SNX14: variants seen among roughly 807,000 people sequenced by gnomAD.
The protein encoded by SNX14 is sorting nexin-14.
SNX14 carries 93 observed loss-of-function variants against 133.8 expected under a neutral mutation model. The observed-to-expected ratio is 0.70, with a 90% CI of 0.59 to 0.83. The LOEUF (loss-of-function observed/expected upper bound fraction) is 0.83, where lower values mean the gene tolerates loss of function less well. Among genes scored for constraint, SNX14 ranks in the 40% least tolerant of loss-of-function variants. The probability of loss-of-function intolerance (pLI) is 0.00; values close to 1 mark genes in which losing one functional copy is unlikely to be tolerated. For synonymous variants in SNX14, 368 were observed against 365.6 expected (o/e 1.01, Z -0.07); for missense variants, 945 against 1,094.9 (o/e 0.86, Z 1.93).
intron 1 of SNX14, among the ~76,000 whole-genome samples, chr6:85,582,429 G>A (rs1277234450): frequency 1.3e-5 from 2 of 150,900 alleles, no homozygotes; most frequent in African/African-American, 2.4e-5. Flanking sequence ...CACTGAAAAC[G>A]AGAACTGAAG....
At chr6:85,528,240 A>T (rs746935323) in intron 20 of SNX14, 22 bp downstream of exon 20, 3 of 1,531,834 alleles carry the variant, frequency 2.0e-6, no homozygotes, top group Non-Finnish European at 2.7e-6. Flanking sequence ...AACATTTGGA[A>T]TTAATACAGT....
At position 85,584,165 on chromosome 6, in the gene SNX14, A is replaced by T. The variant is rs1268320067; in HGVS notation, c.140+9414T>A. Among the ~76,000 whole-genome samples the T allele has an allele frequency of 2.0e-5, 3 of 152,366 alleles. No individual in the cohort carries two copies. In the East Asian group the frequency reaches 5.8e-4, roughly 29 times the overall value. ...CAATGAAGAAAGGATTCCCTATTTA[A>T]TAAATGGTGTTGGGAAAACTGGCTA... is the stretch of plus-strand genomic sequence containing the variant. On this transcript the variant is annotated intron_variant, in intron 1 of 28. Coordinates refer to ENST00000314673, the MANE Select transcript of SNX14 (RefSeq NM_153816.6).
intron 23 of SNX14, among the ~76,000 whole-genome samples, chr6:85,515,403 G>T (rs939725881): frequency 2.0e-5 from 3 of 150,908 alleles, no homozygotes; most frequent in African/African-American, 4.9e-5. Flanking sequence ...ATGTTGGGGT[G>T]GGGGGGAACT....
At chr6:85,574,210 T>G (rs764976972) in intron 2 of SNX14, 48 bp downstream of exon 2, 7 of 1,409,342 alleles carry the variant, frequency 5.0e-6, no homozygotes, top group Admixed American at 2.3e-5. Context: ...AATAAACAGC[T>G]TAGGCTCATA....
rs993822962 is a variant in SNX14, at chr6:85,583,430, C to T, written c.141-9052G>A. On this transcript the variant is annotated intron_variant, in intron 1 of 28. Transcript: ENST00000314673. ...AATCAGGCAAAAGAAAGAAATAAAG[C>T]GTATTCAAATAGGAAGAGAGGAAGT... is the stretch of plus-strand genomic sequence containing the variant. 3.3e-5 allele frequency among the ~76,000 whole-genome samples: 5 copies of T among 152,186 alleles called. No homozygotes were observed. In the East Asian group the frequency reaches 7.7e-4, roughly 24 times the overall value.
intron 17 of SNX14, 130 bp from the exon 18 acceptor site, chr6:85,533,930 T>C (rs1434535075): frequency 1.1e-5 from 8 of 728,936 alleles, no homozygotes; most frequent in East Asian, 8.3e-5. Context: ...CTAGGTGATA[T>C]TAAATTTTCT....
intron 1 of SNX14, among the ~76,000 whole-genome samples, chr6:85,577,280 T>TTAC (rs1226611829): frequency 3.3e-5 from 5 of 151,992 alleles, no homozygotes; most frequent in African/African-American, 7.2e-5. Context: ...TGGCTGGGCA[T>TTAC]GGTGGCGCAT....
chr6:85,566,390 A>ATT (rs547225234), intron 5 of SNX14, among the ~76,000 whole-genome samples: 1 of 146,770 alleles, frequency 6.8e-6, no homozygotes, highest in Non-Finnish European at 1.5e-5. Flanking sequence ...AACTAGTAGC[A>ATT]TTTTTTTTTT....
chr6:85,546,099 T>C (rs1010336584), intron 12 of SNX14, among the ~76,000 whole-genome samples: 4 of 152,202 alleles, frequency 2.6e-5, no homozygotes, highest in African/African-American at 7.2e-5. Context: ...AAAAAAATTA[T>C]ACAGGCAAAA....
chr6:85,517,821 G>C lies in SNX14; in HGVS notation c.2203C>G (p.Pro735Ala). 1 of 1,611,316 alleles carries C rather than the reference G, an allele frequency of 6.2e-7. No homozygotes were observed. The highest frequency in any genetic ancestry group is 2.2e-5 in the East Asian group (1 of 44,770). ...IMNFINSCES[P>A]KPKPSRPELT... ...TCTGGTCTACTTGGTTTAGGCTTTG[G>C]AGACTCACAAGAATTAATGAAATTC... Residue 735 changes from proline to alanine, a missense_variant, in exon 23 of 29, where the codon CCA becomes GCA. By Grantham distance (27) the Pro-to-Ala change is conservative. This residue lies in a region of SNX14 where 412 missense variants were observed against 516.6 expected (regional missense o/e 0.80). Coordinates refer to ENST00000314673, the MANE Select transcript of SNX14 (RefSeq NM_153816.6).
At position 85,543,165 on chromosome 6, in the gene SNX14, T is replaced by C; in HGVS notation, c.1389+17A>G. ...TATGTATAAAAATCCTCAAACAAGG[T>C]TAATATTTTGACTTACCTCATCACT... On this transcript the variant is annotated intron_variant, in intron 14 of 28. Coordinates refer to ENST00000314673, the MANE Select transcript of SNX14 (RefSeq NM_153816.6). 1 of 1,518,242 alleles carries C rather than the reference T, an allele frequency of 6.6e-7. No homozygotes were observed. The highest frequency in any genetic ancestry group is 8.8e-7 in the Non-Finnish European group (1 of 1,137,702). The allele number at this position is 1,518,242 out of a possible 1,614,324, so 94.0% of individuals were successfully genotyped here.
In SNX14 at chr6:85,526,181, G is replaced by A. The variant is rs746977344; in HGVS notation, c.2052C>T (p.Ser684=). The part of the protein sequence containing the change: ...SNSQLLADFL[S]PNGGETQFLD... ...GAAATTGTGTTTCCCCACCATTAGGGGAAAGAAAGTCTGCCAGAAGTTGAC... is the reference window on the plus strand; with the variant it reads ...GAAATTGTGTTTCCCCACCATTAGGAGAAAGAAAGTCTGCCAGAAGTTGAC... Residue 684 remains serine (S), a synonymous_variant, in exon 21 of 29, where the codon TCC becomes TCT. Coordinates refer to ENST00000314673, the MANE Select transcript of SNX14 (RefSeq NM_153816.6). The A allele has an allele frequency of 1.9e-6, 3 of 1,608,208 alleles. No individual in the cohort carries two copies. The highest frequency in any genetic ancestry group is 1.1e-5 in the South Asian group (1 of 89,858).
chr6:85,575,360 A>T (rs1411598020), intron 1 of SNX14, among the ~76,000 whole-genome samples: 1 of 152,214 alleles, frequency 6.6e-6, no homozygotes. Flanking sequence ...CTGCTAACTC[A>T]TCAGTCCACA....
intron 2 of SNX14, among the ~76,000 whole-genome samples, chr6:85,572,802 T>C (rs886509111): frequency 6.6e-6 from 1 of 151,548 alleles, no homozygotes; most frequent in Non-Finnish European, 1.5e-5. Flanking sequence ...ACAAAAAAAA[T>C]TCAAAAATTA....
At chr6:85,555,732 G>A (rs1433129146) in intron 7 of SNX14, among the ~76,000 whole-genome samples, 3 of 152,176 alleles carry the variant, frequency 2.0e-5, no homozygotes, top group East Asian at 3.8e-4. Flanking sequence ...GCTCATGCCT[G>A]TAATCTCAGC....
At chr6:85,532,439 C>G (rs1250331577) in intron 18 of SNX14, among the ~76,000 whole-genome samples, 1 of 152,322 alleles carries the variant, frequency 6.6e-6, no homozygotes, top group Admixed American at 6.5e-5. Context: ...GTCTCATGTT[C>G]TTGAAACAGG....
intron 2 of SNX14, among the ~76,000 whole-genome samples, chr6:85,573,452 C>G (rs907272578): frequency 6.6e-6 from 1 of 152,122 alleles, no homozygotes; most frequent in Non-Finnish European, 1.5e-5. Flanking sequence ...CGCACTCCAA[C>G]CTGGGTGACA....
intron 1 of SNX14, chr6:85,581,819 A>G (rs1343004453): frequency 2.0e-5 from 3 of 152,216 alleles, no homozygotes; most frequent in African/African-American, 7.2e-5. Flanking sequence ...AAAGAACAAA[A>G]TAACAAAACA....
chr6:85,537,109 A>G (rs1427535754), intron 16 of SNX14, 185 bp from the exon 17 acceptor site: 1 of 476,596 alleles, frequency 2.1e-6, no homozygotes, highest in African/African-American at 2.0e-5. Flanking sequence ...CAAAAATGAC[A>G]CAGTATTTAA....
Sources: gnomAD v4.1 joint callset for allele counts (sites outside exome capture counted in the v4.1 genomes callset) on GRCh38, gnomAD v4.1.1 for gene constraint, gnomAD v4.1.1 regional missense constraint, MANE v1.5 for transcripts, NCBI Gene and HGNC (gene_info 2026-07-23, HGNC 2026-07-21) for gene names.